KCNT2: variants seen among roughly 807,000 people sequenced by gnomAD.
KCNT2 encodes potassium channel subfamily T member 2.
In KCNT2, 67 loss-of-function variants were observed where a neutral mutation model predicts 153.8. That is an observed-to-expected ratio of 0.44 (90% CI 0.36 to 0.53). The LOEUF (loss-of-function observed/expected upper bound fraction) is 0.53, where lower values mean the gene tolerates loss of function less well. Among genes scored for constraint, KCNT2 ranks in the 20% least tolerant of loss-of-function variants. The pLI, the probability that KCNT2 is intolerant of heterozygous loss-of-function variation, is 0.00. For missense variants in KCNT2, 975 were observed against 1,354.8 expected (o/e 0.72, Z 4.40); for synonymous variants, 500 against 458.8 (o/e 1.09, Z -1.15).
chr1:196,394,202 G>A (rs1378485771), intron 13 of KCNT2, among the ~76,000 whole-genome samples: 2 of 151,552 alleles, frequency 1.3e-5, no homozygotes, highest in East Asian at 3.9e-4. Flanking sequence ...AGATGGAGCC[G>A]CCTCCTGTGA....
chr1:196,459,216 T>C (rs1157040343), intron 8 of KCNT2, among the ~76,000 whole-genome samples: 2 of 151,728 alleles, frequency 1.3e-5, no homozygotes, highest in Non-Finnish European at 2.9e-5. Context: ...TAGTAAATCA[T>C]GTCATTAGCC....
intron 1 of KCNT2, among the ~76,000 whole-genome samples, chr1:196,590,978 T>C (rs766540313): frequency 2.6e-5 from 4 of 151,924 alleles, no homozygotes; most frequent in African/African-American, 9.7e-5. Flanking sequence ...GATACAAAAA[T>C]TAGCCAGGTA....
At chr1:196,287,268 T>A (rs1270154446) in intron 22 of KCNT2, among the ~76,000 whole-genome samples, 1 of 152,078 alleles carries the variant, frequency 6.6e-6, no homozygotes, top group African/African-American at 2.4e-5. Flanking sequence ...AGTTAGCTGT[T>A]CTTATTGTGA....
chr1:196,344,856 G>A (rs907800352), intron 14 of KCNT2, among the ~76,000 whole-genome samples: 3 of 151,966 alleles, frequency 2.0e-5, no homozygotes. Context: ...CTTTTTTTAG[G>A]ATGTCATTTC....
At chr1:196,296,548 T>G (rs927203561) in intron 22 of KCNT2, among the ~76,000 whole-genome samples, 4 of 152,012 alleles carry the variant, frequency 2.6e-5, no homozygotes, top group Non-Finnish European at 2.9e-5. Context: ...AACTAATTAT[T>G]TGAACATTTT....
chr1:196,298,620 G>A (rs1035766219), intron 22 of KCNT2, among the ~76,000 whole-genome samples: 6 of 151,910 alleles, frequency 3.9e-5, no homozygotes, highest in Non-Finnish European at 8.8e-5. Context: ...GCTTCATTAT[G>A]CAGGTAAGAT....
intron 14 of KCNT2, among the ~76,000 whole-genome samples, chr1:196,351,038 G>C (rs997884141): frequency 6.6e-6 from 1 of 152,000 alleles, no homozygotes; most frequent in African/African-American, 2.4e-5. Flanking sequence ...ATTTCTGAGG[G>C]CTCTGTTCTG....
At chr1:196,484,333 A>G (rs1387585807) in intron 3 of KCNT2, among the ~76,000 whole-genome samples, 2 of 151,486 alleles carry the variant, frequency 1.3e-5, no homozygotes, top group Admixed American at 1.3e-4. Flanking sequence ...TTTTTTGAGA[A>G]TTGTATGTTC....
At chr1:196,493,376 A>T (rs1365058089) in intron 1 of KCNT2, among the ~76,000 whole-genome samples, 1 of 151,592 alleles carries the variant, frequency 6.6e-6, no homozygotes, top group Non-Finnish European at 1.5e-5. Context: ...GCAAGAGTAG[A>T]TACCTTAGAG....
At chr1:196,487,841 T>C (rs188601338) in intron 3 of KCNT2, among the ~76,000 whole-genome samples, 6 of 152,124 alleles carry the variant, frequency 3.9e-5, no homozygotes, top group Admixed American at 1.3e-4. Flanking sequence ...GCTTCTTACC[T>C]GTGTCTCTAT....
intron 1 of KCNT2, among the ~76,000 whole-genome samples, chr1:196,551,292 C>T (rs911732282): frequency 6.6e-6 from 1 of 151,700 alleles, no homozygotes; most frequent in African/African-American, 2.4e-5. Flanking sequence ...GTTTGAAGAA[C>T]AAACATAAAT....
At chr1:196,569,330 G>A (rs1660494159) in intron 1 of KCNT2, among the ~76,000 whole-genome samples, 1 of 151,874 alleles carries the variant, frequency 6.6e-6, no homozygotes, top group Non-Finnish European at 1.5e-5. Context: ...AAAACACATT[G>A]TCTTTTTAAA....
chr1:196,549,414 A>T (rs1657596067), intron 1 of KCNT2, among the ~76,000 whole-genome samples: 1 of 151,884 alleles, frequency 6.6e-6, no homozygotes, highest in Non-Finnish European at 1.5e-5. Flanking sequence ...ATATAATTTT[A>T]TTATGTGTTA....
chr1:196,465,621 C>A (rs1056096441), intron 7 of KCNT2, among the ~76,000 whole-genome samples: 1 of 151,778 alleles, frequency 6.6e-6, no homozygotes, highest in East Asian at 1.9e-4. Flanking sequence ...ACTACCAAAG[C>A]ACTAAATTTC....
At chr1:196,582,810 G>T (rs950870947) in intron 1 of KCNT2, among the ~76,000 whole-genome samples, 2 of 151,838 alleles carry the variant, frequency 1.3e-5, no homozygotes, top group Non-Finnish European at 1.5e-5. Context: ...AAATAAAGTA[G>T]AACAAATAGA....
intron 13 of KCNT2, among the ~76,000 whole-genome samples, chr1:196,398,324 G>A (rs1202773801): frequency 1.3e-5 from 2 of 151,396 alleles, no homozygotes; most frequent in South Asian, 2.1e-4. Context: ...CATCCATTAT[G>A]TTAAGGTACT....
intron 2 of KCNT2, 23 bp downstream of exon 2, chr1:196,492,239 G>A (rs760986086): frequency 5.7e-6 from 8 of 1,400,282 alleles, no homozygotes; most frequent in African/African-American, 1.5e-5. Context: ...TACGAACAGA[G>A]GGGAATGAAA....
At chr1:196,474,613 A>G (rs1678375058) in intron 5 of KCNT2, among the ~76,000 whole-genome samples, 1 of 152,198 alleles carries the variant, frequency 6.6e-6, no homozygotes, top group South Asian at 2.1e-4. Context: ...AGAATTGCAC[A>G]TTTAACAAAA....
intron 13 of KCNT2, among the ~76,000 whole-genome samples, chr1:196,384,963 T>C (rs1669837244): frequency 6.6e-6 from 1 of 152,008 alleles, no homozygotes; most frequent in Admixed American, 6.6e-5. Flanking sequence ...GACAGACAAA[T>C]AGGCAGATGC....
Sources: allele counts gnomAD v4.1 joint callset (sites outside exome capture counted in the v4.1 genomes callset), GRCh38; gene constraint gnomAD v4.1.1; transcripts MANE v1.5; gene names NCBI Gene and HGNC (gene_info 2026-07-23, HGNC 2026-07-21).